NCOA3: variants seen among roughly 807,000 people sequenced by gnomAD.
NCOA3 encodes nuclear receptor coactivator 3.
In NCOA3, 51 loss-of-function variants were observed where a neutral mutation model predicts 158.8. The observed-to-expected ratio is 0.32, with a 90% CI of 0.26 to 0.41. The LOEUF (loss-of-function observed/expected upper bound fraction) is 0.41, where lower values mean the gene tolerates loss of function less well. NCOA3 is among the 10% of genes least tolerant of loss of function. The pLI is 1.00. For synonymous variants in NCOA3, 537 were observed against 592.4 expected (o/e 0.91, Z 1.36); for missense variants, 1,510 against 1,746.6 (o/e 0.86, Z 2.41).
intron 2 of NCOA3, among the ~76,000 whole-genome samples, chr20:47,587,460 C>T (rs898824478): frequency 2.0e-5 from 3 of 152,162 alleles, no homozygotes; most frequent in African/African-American, 7.2e-5. Flanking sequence ...CATACTCATA[C>T]AGTCATCCCT....
At chr20:47,641,190 G>C (rs561022244) in intron 16 of NCOA3, among the ~76,000 whole-genome samples, 2 of 152,130 alleles carry the variant, frequency 1.3e-5, no homozygotes, top group Non-Finnish European at 2.9e-5. Context: ...CCTTGTATGT[G>C]TTGGAGAACT....
At chr20:47,614,241 G>GA (rs1474260698) in intron 2 of NCOA3, among the ~76,000 whole-genome samples, 4 of 152,216 alleles carry the variant, frequency 2.6e-5, no homozygotes, top group Admixed American at 1.3e-4. Flanking sequence ...TTAGGGTAGA[G>GA]AAAAAAACCT....
At chr20:47,649,925 GC>G (rs3092309) in intron 19 of NCOA3, among the ~76,000 whole-genome samples, 10,271 of 151,550 alleles carry the variant, frequency 0.068, 446 homozygotes, top group Non-Finnish European at 0.097. Context: ...GCTTCTGCTT[GC>G]CCCTTACCTC....
At chr20:47,524,331 G>C (rs2084391746) in intron 1 of NCOA3, among the ~76,000 whole-genome samples, 1 of 152,204 alleles carries the variant, frequency 6.6e-6, no homozygotes, top group African/African-American at 2.4e-5. Context: ...CGGAGAGAGG[G>C]TAAGAGACCG....
chr20:47,651,243 C>G lies in NCOA3; in HGVS notation c.3913C>G (p.Pro1305Ala). ...GGCAGGACCCACAATGCCACAAGCT[C>G]CTCCGCAACAGTTTCCATATCAACC... ...LLAGPTMPQA[P>A]PQQFPYQPNY... is the part of the protein sequence containing the mutation. The change falls in exon 20 of 23, where the codon CCT becomes GCT. Residue 1305 changes from proline (P) to alanine (A), a missense_variant. Coordinates refer to ENST00000371998, the MANE Select transcript of NCOA3 (RefSeq NM_181659.3). 1 of 1,612,016 alleles carries G rather than the reference C, an allele frequency of 6.2e-7. No individual in the cohort carries two copies. The highest frequency in any genetic ancestry group is 1.1e-5 in the South Asian group (1 of 91,040).
At chr20:47,634,922 T>TC (rs2086485264) in intron 10 of NCOA3, among the ~76,000 whole-genome samples, 2 of 54,526 alleles carry the variant, frequency 3.7e-5, no homozygotes, top group South Asian at 4.8e-4. Context: ...CTCTTCTTCT[T>TC]TTTTTTTTTT....
intron 8 of NCOA3, among the ~76,000 whole-genome samples, chr20:47,629,384 C>A (rs1418823970): frequency 6.6e-6 from 1 of 151,162 alleles, no homozygotes; most frequent in African/African-American, 2.4e-5. Flanking sequence ...GGCTGGAGTG[C>A]AATGGCATGA....
At chr20:47,519,771 AT>A (rs1186284058) in intron 1 of NCOA3, among the ~76,000 whole-genome samples, 4 of 149,756 alleles carry the variant, frequency 2.7e-5, no homozygotes, top group Non-Finnish European at 4.5e-5. Context: ...TCCACAGAAA[AT>A]TTTTTTTTTT....
intron 1 of NCOA3, among the ~76,000 whole-genome samples, chr20:47,509,385 C>G (rs945409641): frequency 6.6e-6 from 1 of 152,130 alleles, no homozygotes; most frequent in African/African-American, 2.4e-5. Context: ...CAGAGTGAGA[C>G]CCTGTCTCAA....
intron 1 of NCOA3, among the ~76,000 whole-genome samples, chr20:47,525,675 ACCTC>A (rs1291594173): frequency 1.9e-4 from 13 of 69,416 alleles, no homozygotes; most frequent in Non-Finnish European, 3.6e-4. Flanking sequence ...GACCCCCCCC[ACCTC>A]CCTCCCGGAC....
intron 1 of NCOA3, among the ~76,000 whole-genome samples, chr20:47,522,785 C>A (rs1043708365): frequency 6.6e-6 from 1 of 151,916 alleles, no homozygotes; most frequent in Non-Finnish European, 1.5e-5. Flanking sequence ...GAGGCAATCT[C>A]CATGTTTGGG....
In NCOA3 at chr20:47,652,550, G is replaced by T; in HGVS notation, c.4091G>T (p.Gly1364Val). The change falls in exon 21 of 23, where the codon GGC becomes GTC. Residue 1364 changes from glycine (G) to valine (V), a missense_variant. Gly to Val is a moderately radical substitution (Grantham distance 109). Transcript: ENST00000371998. ...ASIYQSSEMKGWPSGNLARNS... is the reference protein window; with the variant it reads ...ASIYQSSEMKVWPSGNLARNS... The stretch of plus-strand genomic sequence containing the variant: ...ATCTATCAGTCCTCAGAAATGAAGG[G>T]CTGGCCATCAGGAAATTTGGCCAGG... The T allele has an allele frequency of 6.2e-7, 1 of 1,610,340 alleles. No homozygotes were observed. Among genetic ancestry groups the T allele is most frequent in the Admixed American group, 1.7e-5 (1 of 59,968 alleles).
chr20:47,613,649 AC>A (rs2086079627), intron 2 of NCOA3, among the ~76,000 whole-genome samples: 2 of 152,188 alleles, frequency 1.3e-5, no homozygotes, highest in Admixed American at 1.3e-4. Context: ...GCGGCGGCTC[AC>A]GCCTGTAATC....
intron 1 of NCOA3, among the ~76,000 whole-genome samples, chr20:47,576,518 C>T (rs1437425133): frequency 1.3e-5 from 2 of 152,162 alleles, no homozygotes; most frequent in African/African-American, 4.8e-5. Context: ...ATTACTCGAT[C>T]ATTTCTCCCC....
intron 2 of NCOA3, among the ~76,000 whole-genome samples, chr20:47,594,415 C>A (rs1329207064): frequency 6.6e-6 from 1 of 152,040 alleles, no homozygotes; most frequent in South Asian, 2.1e-4. Context: ...GTAATCCTAG[C>A]ACTTTGGGAG....
chr20:47,640,188 T>C, intron 16 of NCOA3, 137 bp downstream of exon 16: 1 of 1,141,080 alleles, frequency 8.8e-7, no homozygotes, highest in South Asian at 1.4e-5. Context: ...TGGGCATTTC[T>C]CGTGTAACTC....
At chr20:47,559,143 T>C (rs957131078) in intron 1 of NCOA3, among the ~76,000 whole-genome samples, 6 of 152,092 alleles carry the variant, frequency 3.9e-5, no homozygotes, top group Non-Finnish European at 8.8e-5. Context: ...ATTAGAGTTA[T>C]CATGTTTGGG....
At position 47,653,723 on chromosome 20, in the gene NCOA3, T is replaced by C. The variant is rs1292345133; in HGVS notation, c.*306T>C. On this transcript the variant is annotated 3_prime_UTR_variant, in exon 23 of 23. Transcript: ENST00000371998. Reference sequence around the variant, plus strand: ...TGGAGTGTTACTGATCATAAAACTTTTGTGTCACTTTTTTCTGCCTTGCTA... The same window carrying C: ...TGGAGTGTTACTGATCATAAAACTTCTGTGTCACTTTTTTCTGCCTTGCTA... The C allele has an allele frequency of 5.2e-6, 2 of 387,042 alleles. No individual in the cohort carries two copies. Among genetic ancestry groups the C allele is most frequent in the East Asian group, 7.7e-5 (2 of 26,124 alleles). The allele number at this position is 387,042 out of a possible 1,614,324, so 24.0% of individuals were successfully genotyped here. A position where few individuals can be genotyped will look rare whatever the true frequency, so the allele number is the denominator to read the frequency against.
At chr20:47,597,520 G>T (rs1404368519) in intron 2 of NCOA3, among the ~76,000 whole-genome samples, 2 of 146,716 alleles carry the variant, frequency 1.4e-5, no homozygotes, top group African/African-American at 2.5e-5. Context: ...ATGGAGTTTC[G>T]CTCTGTCGCC....
Sources: allele counts gnomAD v4.1 joint callset (sites outside exome capture counted in the v4.1 genomes callset), GRCh38; gene constraint gnomAD v4.1.1; transcripts MANE v1.5; gene names NCBI Gene and HGNC (gene_info 2026-07-23, HGNC 2026-07-21).